Variants in ANO10 observed in about 807,000 individuals in gnomAD.
The protein encoded by ANO10 is anoctamin 10.
ANO10 carries 77 observed loss-of-function variants against 74.7 expected under a neutral mutation model. The ratio of observed to expected loss-of-function variants is 1.03; its 90% CI spans 0.86 to 1.25. ANO10 has a LOEUF of 1.25. ANO10 is among the 50% of genes most tolerant of loss of function. The pLI is 0.00. For synonymous variants in ANO10, 279 were observed against 284.9 expected, an observed-to-expected ratio of 0.98 and a Z score of 0.21; for missense variants, 721 against 778.1, an observed-to-expected ratio of 0.93 and a Z score of 0.87.
chr3:43,439,747 G>A (rs2093130955), intron 11 of ANO10, among the ~76,000 whole-genome samples: 2 of 152,168 alleles, frequency 1.3e-5, no homozygotes, highest in African/African-American at 2.4e-5. Context: ...CAGGCATGGT[G>A]GCCCATGCCT....
chr3:43,449,565 T>G (rs2074758146), intron 11 of ANO10, among the ~76,000 whole-genome samples: 1 of 118,976 alleles, frequency 8.4e-6, no homozygotes, highest in South Asian at 2.8e-4. Flanking sequence ...TACAGCACCC[T>G]TTGTTGAAAG....
chr3:43,434,629 G>C (rs900819963), intron 11 of ANO10, among the ~76,000 whole-genome samples: 4 of 152,028 alleles, frequency 2.6e-5, no homozygotes, highest in African/African-American at 4.8e-5. Flanking sequence ...CTCTTCCTCA[G>C]AGCCTTGGCA....
intron 10 of ANO10, 45 bp downstream of exon 10, chr3:43,555,233 G>A (rs770657818): frequency 1.0e-5 from 16 of 1,584,548 alleles, no homozygotes; most frequent in Middle Eastern, 1.7e-4. Context: ...ATAACACCTC[G>A]TATTTTTATT....
intron 11 of ANO10, among the ~76,000 whole-genome samples, chr3:43,445,980 C>G (rs1376178747): frequency 1.3e-5 from 2 of 152,092 alleles, no homozygotes; most frequent in Non-Finnish European, 2.9e-5. Context: ...TACAGAACAC[C>G]AAACCCAGCC....
intron 12 of ANO10, among the ~76,000 whole-genome samples, chr3:43,419,504 G>A (rs1372351649): frequency 6.6e-6 from 1 of 150,922 alleles, no homozygotes; most frequent in Non-Finnish European, 1.5e-5. Context: ...AATCATAGAT[G>A]TATTCAATTA....
chr3:43,599,586 A>G (rs1172749974), intron 3 of ANO10, among the ~76,000 whole-genome samples: 2 of 152,156 alleles, frequency 1.3e-5, no homozygotes, highest in Non-Finnish European at 2.9e-5. Context: ...TTCTTTTTAC[A>G]TGATTGTTTT....
At chr3:43,486,231 C>A (rs576044050) in intron 11 of ANO10, among the ~76,000 whole-genome samples, 2 of 152,312 alleles carry the variant, frequency 1.3e-5, no homozygotes, top group African/African-American at 4.8e-5. Flanking sequence ...CATAACAAGG[C>A]CACTTTTGCT....
intron 11 of ANO10, among the ~76,000 whole-genome samples, chr3:43,455,519 G>C (rs141996247): frequency 6.6e-6 from 1 of 151,938 alleles, no homozygotes; most frequent in African/African-American, 2.4e-5. Flanking sequence ...CTTGAGGAAT[G>C]GGGGGAAATG....
At chr3:43,397,705 C>T (rs2092408056) in intron 12 of ANO10, among the ~76,000 whole-genome samples, 1 of 152,196 alleles carries the variant, frequency 6.6e-6, no homozygotes, top group African/African-American at 2.4e-5. Flanking sequence ...GAGCCCTCAG[C>T]AGATCTCTGG....
chr3:43,690,849 G>C (rs1218647265), intron 1 of ANO10: 1 of 823,148 alleles, frequency 1.2e-6, no homozygotes, highest in East Asian at 3.5e-5. Context: ...CGCAAACGCG[G>C]GCGCGCCGCC....
At chr3:43,389,569 A>G (rs1294591342) in intron 12 of ANO10, among the ~76,000 whole-genome samples, 2 of 152,170 alleles carry the variant, frequency 1.3e-5, no homozygotes, top group African/African-American at 4.8e-5. Context: ...GCACCAAATA[A>G]ATAACCATGC....
intron 5 of ANO10, among the ~76,000 whole-genome samples, chr3:43,579,882 C>T (rs549738437): frequency 3.9e-5 from 6 of 152,208 alleles, no homozygotes; most frequent in African/African-American, 1.4e-4. Context: ...ATGCAAGGCA[C>T]AATAGCTCAG....
chr3:43,548,361 A>C (rs2079296975), intron 11 of ANO10, among the ~76,000 whole-genome samples: 1 of 152,222 alleles, frequency 6.6e-6, no homozygotes, highest in South Asian at 2.1e-4. Context: ...CAGGTCATAA[A>C]TCAGCCTTGC....
At chr3:43,683,273 C>A (rs952931694) in intron 1 of ANO10, among the ~76,000 whole-genome samples, 1 of 152,158 alleles carries the variant, frequency 6.6e-6, no homozygotes, top group Non-Finnish European at 1.5e-5. Context: ...CACAAGCAAT[C>A]TTATACACCA....
chr3:43,557,087 T>C (rs985407300), intron 9 of ANO10, among the ~76,000 whole-genome samples: 2 of 151,740 alleles, frequency 1.3e-5, no homozygotes, highest in African/African-American at 4.8e-5. Context: ...AGATACTATT[T>C]ATAAAAAGGA....
chr3:43,515,004 C>A (rs1468811227), intron 11 of ANO10, among the ~76,000 whole-genome samples: 3 of 152,120 alleles, frequency 2.0e-5, no homozygotes, highest in Non-Finnish European at 4.4e-5. Context: ...ATTCCATCTT[C>A]AGGAACTAGA....
intron 12 of ANO10, among the ~76,000 whole-genome samples, chr3:43,383,627 C>T (rs991930898): frequency 6.6e-6 from 1 of 152,104 alleles, no homozygotes; most frequent in Non-Finnish European, 1.5e-5. Flanking sequence ...TTAACATTCA[C>T]AAGTCAATAA....
At chr3:43,589,503 A>T (rs2081628174) in intron 4 of ANO10, among the ~76,000 whole-genome samples, 1 of 152,176 alleles carries the variant, frequency 6.6e-6, no homozygotes, top group South Asian at 2.1e-4. Context: ...CCTGGGCAAC[A>T]TGGTGAAACC....
intron 1 of ANO10, among the ~76,000 whole-genome samples, chr3:43,630,981 G>T (rs2083540230): frequency 6.6e-6 from 1 of 151,398 alleles, no homozygotes; most frequent in Non-Finnish European, 1.5e-5. Context: ...AGAGGTATAT[G>T]TTAGTAGAGC....
Sources: gnomAD v4.1 joint callset for allele counts (sites outside exome capture counted in the v4.1 genomes callset) on GRCh38, gnomAD v4.1.1 for gene constraint, MANE v1.5 for transcripts, NCBI Gene and HGNC (gene_info 2026-07-23, HGNC 2026-07-21) for gene names.